The following FAM135B variants were observed in gnomAD, a reference collection of about 807,000 sequenced individuals.
FAM135B encodes protein FAM135B.
A neutral mutation model predicts 127.7 loss-of-function variants in FAM135B; 43 were observed. The observed-to-expected ratio is 0.34, with a 90% CI of 0.26 to 0.43. The LOEUF (loss-of-function observed/expected upper bound fraction) is 0.43. Ranked by LOEUF, FAM135B falls within the 20% of genes least tolerant of loss-of-function variation. The pLI is 1.00. For missense variants in FAM135B, 1,558 were observed against 1,725.6 expected (o/e 0.90, Z 1.72); for synonymous variants, 670 against 665.1 (o/e 1.01, Z -0.11).
chr8:138,138,959 A>C (rs765546631), intron 18 of FAM135B, 27 bp downstream of exon 18: 4 of 1,382,824 alleles, frequency 2.9e-6, no homozygotes, highest in Non-Finnish European at 4.1e-6. Context: ...CAAACTCATA[A>C]CTGCAGCTGT....
chr8:138,139,050 C>T lies in FAM135B; in HGVS notation c.3837G>A (p.Gln1279=). 6.2e-7 allele frequency: 1 copy of T among 1,614,018 alleles called. No homozygotes were observed. Among genetic ancestry groups the T allele is most frequent in the South Asian group, 1.1e-5 (1 of 91,078 alleles). ...AATCAGCATTATCCCTGAAGGTCAG[C>T]TGCAGTAGAGACCCGGATTTCTTCA... ...QKLKKSGSLL[Q]LTFRDNADLR... is the part of the protein sequence containing the mutation. The change falls in exon 18 of 20, where the codon CAG becomes CAA. Residue 1279 remains glutamine (Q), a synonymous_variant. Coordinates refer to ENST00000395297, the MANE Select transcript of FAM135B (RefSeq NM_015912.4).
intron 3 of FAM135B, among the ~76,000 whole-genome samples, chr8:138,303,730 G>A (rs76209506): frequency 0.055 from 8,392 of 152,270 alleles, 649 homozygotes; most frequent in East Asian, 0.24. Context: ...TGGTGTCCTG[G>A]TGCGTGCACC....
intron 2 of FAM135B, among the ~76,000 whole-genome samples, chr8:138,324,875 A>G (rs928495058): frequency 6.6e-6 from 1 of 152,234 alleles, no homozygotes; most frequent in Non-Finnish European, 1.5e-5. Context: ...ATCTACAGGA[A>G]GCTGAAAAGC....
rs1012543256 is a variant in FAM135B at position 138,467,294 on chromosome 8, C to T, written c.-20+29377G>A. 5.3e-5 allele frequency among the ~76,000 whole-genome samples: 8 copies of T among 152,226 alleles called. No individual in the cohort carries two copies. The South Asian group carries it at 6.3e-4, about 12-fold the overall frequency. On this transcript the variant is annotated intron_variant, in intron 1 of 19. Coordinates refer to ENST00000395297, the MANE Select transcript of FAM135B (RefSeq NM_015912.4). ...ATTGGGAACCAAATTTCAAACATCT[C>T]GGAGGCATAGTTGCTGGACTATTTA...
intron 2 of FAM135B, among the ~76,000 whole-genome samples, chr8:138,312,594 T>C (rs1203565096): frequency 6.6e-6 from 1 of 152,128 alleles, no homozygotes; most frequent in Admixed American, 6.5e-5. Context: ...GAGAACAGCC[T>C]AGCAAGACAG....
At chr8:138,247,465 C>A (rs1563817118) in intron 6 of FAM135B, among the ~76,000 whole-genome samples, 1 of 152,320 alleles carries the variant, frequency 6.6e-6, no homozygotes, top group East Asian at 1.9e-4. Context: ...CTCAGCACTT[C>A]TCTTTGATGC....
At chr8:138,369,225 G>C (rs1036653661) in intron 1 of FAM135B, among the ~76,000 whole-genome samples, 1 of 152,174 alleles carries the variant, frequency 6.6e-6, no homozygotes, top group African/African-American at 2.4e-5. Context: ...GGAAGGGAGA[G>C]AATGAGAGAG....
At chr8:138,228,449 T>C (rs1277636048) in intron 7 of FAM135B, among the ~76,000 whole-genome samples, 2 of 152,162 alleles carry the variant, frequency 1.3e-5, no homozygotes, top group African/African-American at 4.8e-5. Context: ...CAAGGTTGTT[T>C]ACCACTACTG....
chr8:138,224,642 G>T (rs1819273568), intron 7 of FAM135B, among the ~76,000 whole-genome samples: 1 of 152,134 alleles, frequency 6.6e-6, no homozygotes, highest in African/African-American at 2.4e-5. Context: ...ACTATTATCT[G>T]GTTAGCATAT....
chr8:138,275,191 C>T (rs1414044004), intron 3 of FAM135B, among the ~76,000 whole-genome samples: 1 of 152,206 alleles, frequency 6.6e-6, no homozygotes, highest in Non-Finnish European at 1.5e-5. Flanking sequence ...CATTCTTCTG[C>T]CATGGCTTCA....
chr8:138,266,895 T>C (rs1268579731), intron 3 of FAM135B, among the ~76,000 whole-genome samples: 1 of 150,594 alleles, frequency 6.6e-6, no homozygotes, highest in Non-Finnish European at 1.5e-5. Flanking sequence ...TGATTACCTA[T>C]TTATAATAGG....
At chr8:138,427,273 TTATATATATA>T (rs34227349) in intron 1 of FAM135B, among the ~76,000 whole-genome samples, 1 of 146,318 alleles carries the variant, frequency 6.8e-6, no homozygotes, top group Non-Finnish European at 1.5e-5. Context: ...TTCATCAAGA[TTATATATATA>T]TATATATAAT....
chr8:138,152,987 A>G lies in FAM135B; in HGVS notation c.1488T>C (p.Ser496=), dbSNP rs903104225. 2 of 1,614,104 alleles carry G rather than the reference A, an allele frequency of 1.2e-6. No individual in the cohort carries two copies. Among genetic ancestry groups the G allele is most frequent in the Non-Finnish European group, 1.7e-6 (2 of 1,180,050 alleles). The change falls in exon 13 of 20, where the codon TCT becomes TCC. Residue 496 remains serine, a synonymous_variant. Transcript: ENST00000395297. Reference sequence around the variant, plus strand: ...CAATTGATATATACACCTGAGATTCAGAGCACATGTCCATATGATTTTGTG... The same window carrying G: ...CAATTGATATATACACCTGAGATTCGGAGCACATGTCCATATGATTTTGTG... ...VATQNHMDMC[S]ESQVYISIGE...
chr8:138,225,370 C>T (rs1819333044), intron 7 of FAM135B, among the ~76,000 whole-genome samples: 1 of 151,656 alleles, frequency 6.6e-6, no homozygotes, highest in Non-Finnish European at 1.5e-5. Flanking sequence ...CCTCACCAGA[C>T]ACTGGGCTTG....
intron 1 of FAM135B, among the ~76,000 whole-genome samples, chr8:138,470,642 G>T (rs1183411571): frequency 6.6e-6 from 1 of 152,094 alleles, no homozygotes; most frequent in East Asian, 1.9e-4. Flanking sequence ...TGTGAAGGCT[G>T]TTTAATTAAA....
chr8:138,362,045 T>C (rs190781741), intron 2 of FAM135B, among the ~76,000 whole-genome samples: 4 of 152,236 alleles, frequency 2.6e-5, no homozygotes, highest in African/African-American at 4.8e-5. Flanking sequence ...TGTTTTAATA[T>C]AGGCATGCAA....
chr8:138,296,190 C>A (rs1262463966), intron 3 of FAM135B, among the ~76,000 whole-genome samples: 1 of 152,208 alleles, frequency 6.6e-6, no homozygotes, highest in Non-Finnish European at 1.5e-5. Context: ...CAGGCATCCT[C>A]ATCAACTTGT....
chr8:138,274,583 T>G (rs1464849671), intron 3 of FAM135B, among the ~76,000 whole-genome samples: 1 of 152,142 alleles, frequency 6.6e-6, no homozygotes, highest in Non-Finnish European at 1.5e-5. Flanking sequence ...CCAAAATTTA[T>G]TAGGCGGGAA....
intron 1 of FAM135B, among the ~76,000 whole-genome samples, chr8:138,389,613 C>G (rs1292526130): frequency 6.6e-6 from 1 of 152,068 alleles, no homozygotes; most frequent in South Asian, 2.1e-4. Context: ...ATATCCTGAC[C>G]AAGACAAATC....
Sources: allele counts gnomAD v4.1 joint callset (sites outside exome capture counted in the v4.1 genomes callset), GRCh38; gene constraint gnomAD v4.1.1; transcripts MANE v1.5; gene names NCBI Gene and HGNC (gene_info 2026-07-23, HGNC 2026-07-21).